Variants in GP6 observed in about 807,000 individuals in gnomAD.
GP6 encodes the protein platelet glycoprotein VI.
In GP6, 45 loss-of-function variants were observed where a neutral mutation model predicts 37.3. The ratio of observed to expected loss-of-function variants is 1.21; its 90% CI spans 0.95 to 1.55. GP6 has a LOEUF of 1.55. Ranked by LOEUF, GP6 falls within the 40% of genes most tolerant of loss-of-function variation. GP6 has a pLI of 0.00. For missense variants in GP6, 813 were observed against 760.2 expected (o/e 1.07, Z -0.82); for synonymous variants, 340 against 316.4 (o/e 1.07, Z -0.79).
intron 3 of GP6, among the ~76,000 whole-genome samples, chr19:55,029,350 A>G (rs1274408048): frequency 4.0e-4 from 1 of 2,510 alleles, no homozygotes; most frequent in East Asian, 0.022. Context: ...ATATATATAT[A>G]TATATATATA....
Position 55,032,259 on chromosome 19 carries a change from C to T in GP6, c.205G>A (p.Asp69Asn). The change falls in exon 3 of 8, where the codon GAT becomes AAT. Residue 69 changes from aspartate to asparagine, a missense_variant. Transcript: ENST00000310373. ...GCCGGGATGAAGAGGACTGCCTGAT[C>T]CTGGTACCTGCTGGAACTCAGCTTC... 2 of 1,614,182 alleles carry T rather than the reference C, an allele frequency of 1.2e-6. No homozygotes were observed. The highest frequency in any genetic ancestry group is 1.7e-6 in the Non-Finnish European group (2 of 1,180,026).
chr19:55,030,686 TAGA>T (rs2074530663), intron 3 of GP6, among the ~76,000 whole-genome samples: 1 of 151,476 alleles, frequency 6.6e-6, no homozygotes, highest in South Asian at 2.1e-4. Context: ...GAAAAGAAAT[TAGA>T]ATATTTGCAC....
At chr19:55,025,307 G>A (rs1211862472) in intron 4 of GP6, 36 bp from the exon 5 acceptor site, 1 of 1,307,804 alleles carries the variant, frequency 7.6e-7, no homozygotes, top group Non-Finnish European at 1.1e-6. Context: ...TCTGTGCTCT[G>A]TCGCTGTGGG....
chr19:55,018,796 C>T (rs2073968726), intron 5 of GP6, 85 bp from the exon 6 acceptor site: 5 of 895,548 alleles, frequency 5.6e-6, no homozygotes, highest in Non-Finnish European at 3.8e-6. Context: ...GATATCTAGG[C>T]TCCCTGAAAC....
chr19:55,031,791 C>T (rs10409317), intron 3 of GP6, among the ~76,000 whole-genome samples: 5,453 of 151,946 alleles, frequency 0.036, 201 homozygotes, highest in East Asian at 0.16. Flanking sequence ...TGAAAACTGT[C>T]AAGAGACCCC....
intron 3 of GP6, 72 bp downstream of exon 3, chr19:55,032,067 C>T: frequency 2.7e-6 from 4 of 1,501,734 alleles, no homozygotes; most frequent in Non-Finnish European, 3.7e-6. Flanking sequence ...AATCCCTGCC[C>T]TCAATGTCCC....
rs1414664780 is a variant in GP6, at chr19:55,033,987, A to G, written c.35-1449T>C. ...AAAGTTCCCAACACAGAAAGGATGC[A>G]TGTTTGAGAAGATGGGTGTGCTACT... is the stretch of plus-strand genomic sequence containing the variant. On this transcript the variant is annotated intron_variant, in intron 1 of 7. Transcript: ENST00000310373. Among the ~76,000 whole-genome samples the G allele has an allele frequency of 1.6e-4, 24 of 152,218 alleles. No individual in the cohort carries two copies. The East Asian group carries it at 4.4e-3, about 28-fold the overall frequency.
At chr19:55,024,304 A>ATGCACG in intron 5 of GP6, among the ~76,000 whole-genome samples, 1 of 75,738 alleles carries the variant, frequency 1.3e-5, no homozygotes, top group African/African-American at 5.1e-5. Context: ...ACGCATGCAC[A>ATGCACG]CACATATGCA....
At chr19:55,027,922 G>A (rs2074375447) in intron 3 of GP6, 60 bp from the exon 4 acceptor site, 2 of 1,554,400 alleles carry the variant, frequency 1.3e-6, no homozygotes, top group African/African-American at 1.4e-5. Flanking sequence ...CTGAGACTGG[G>A]GAGGTCCCCA....
At position 55,032,962 on chromosome 19, in the gene GP6, G is replaced by GGCTCGTTCGTGTT. The variant is rs1568641106; in HGVS notation, c.35-425_35-424insAACACGAACGAGC. On this transcript the variant is annotated intron_variant, in intron 1 of 7. Coordinates refer to ENST00000310373, the MANE Select transcript of GP6 (RefSeq NM_001083899.2). ...GGGCTCGTTCGTGTTAGACACGGTG[G>GGCTCGTTCGTGTT]ACTCGTTCGTGTTGTGTTAGACACG... 6.1e-5 allele frequency: 15 copies of GGCTCGTTCGTGTT among 245,072 alleles called. 3 individuals are homozygous for GGCTCGTTCGTGTT. The highest frequency in any genetic ancestry group is 3.7e-4 in the African/African-American group (15 of 40,342). 15.2% of individuals were successfully genotyped at this position (245,072 alleles called of 1,614,324 possible).
chr19:55,023,214 A>G (rs1471504617), intron 5 of GP6, among the ~76,000 whole-genome samples: 1 of 152,226 alleles, frequency 6.6e-6, no homozygotes, highest in Non-Finnish European at 1.5e-5. Context: ...ATCTACAACC[A>G]TCTGATCTTC....
intron 5 of GP6, among the ~76,000 whole-genome samples, chr19:55,019,630 T>A (rs2074002459): frequency 1.3e-5 from 2 of 151,690 alleles, no homozygotes; most frequent in Non-Finnish European, 2.9e-5. Flanking sequence ...CGTGTTAGCC[T>A]CAGAACACGG....
chr19:55,022,369 G>A (rs1388275449), intron 5 of GP6, among the ~76,000 whole-genome samples: 1 of 152,066 alleles, frequency 6.6e-6, no homozygotes, highest in Admixed American at 6.6e-5. Flanking sequence ...TCTGCATATG[G>A]CTAGCCAATT....
At chr19:55,028,751 C>T (rs970758913) in intron 3 of GP6, among the ~76,000 whole-genome samples, 6 of 152,108 alleles carry the variant, frequency 3.9e-5, no homozygotes, top group East Asian at 1.9e-4. Context: ...CCAGGGTCTC[C>T]GCTCCTAAAC....
intron 1 of GP6, among the ~76,000 whole-genome samples, chr19:55,034,150 ATGTGTGTGTG>A (rs61435060): frequency 2.9e-4 from 43 of 149,260 alleles, no homozygotes; most frequent in African/African-American, 8.6e-4. Context: ...ATATGTATGC[ATGTGTGTGTG>A]TGTGTGTGTG....
At position 55,025,275 on chromosome 19, in the gene GP6, G is replaced by A. The variant is rs1224538863; in HGVS notation, c.611-4C>T. 9 of 1,537,506 alleles carry A rather than the reference G, an allele frequency of 5.9e-6. No homozygotes were observed. The highest frequency in any genetic ancestry group is 7.1e-6 in the Non-Finnish European group (8 of 1,134,174). Reference sequence around the variant, plus strand: ...CGGCTGGGGGTCACAGAGGTTCCTGGGAAATCAGAAAATGAGATAAATCTG... The same window carrying A: ...CGGCTGGGGGTCACAGAGGTTCCTGAGAAATCAGAAAATGAGATAAATCTG... On this transcript the variant is annotated splice_region_variant and splice_polypyrimidine_tract_variant and intron_variant, in intron 4 of 7. Coordinates refer to ENST00000310373, the MANE Select transcript of GP6 (RefSeq NM_001083899.2).
At chr19:55,028,167 G>GC (rs1301768211) in intron 3 of GP6, among the ~76,000 whole-genome samples, 20 of 152,354 alleles carry the variant, frequency 1.3e-4, no homozygotes, top group Non-Finnish European at 1.6e-4. Context: ...GGGGATGACT[G>GC]AATGAGACAG....
intron 5 of GP6, among the ~76,000 whole-genome samples, chr19:55,024,059 T>A (rs1357580114): frequency 6.6e-6 from 1 of 152,178 alleles, no homozygotes; most frequent in Non-Finnish European, 1.5e-5. Flanking sequence ...CTGTGACAAA[T>A]TGGCATAGAA....
At chr19:55,031,333 G>T (rs2146864133) in intron 3 of GP6, among the ~76,000 whole-genome samples, 1 of 152,318 alleles carries the variant, frequency 6.6e-6, no homozygotes, top group Middle Eastern at 3.4e-3. Context: ...CTACTCATGA[G>T]GCTGAGGCAG....
Sources: gnomAD v4.1 joint callset for allele counts (sites outside exome capture counted in the v4.1 genomes callset) on GRCh38, gnomAD v4.1.1 for gene constraint, MANE v1.5 for transcripts, NCBI Gene and HGNC (gene_info 2026-07-23, HGNC 2026-07-21) for gene names.